MYOCD: variants seen among roughly 807,000 people sequenced by gnomAD.
The protein encoded by MYOCD is myocardin.
In MYOCD, 32 loss-of-function variants were observed where a neutral mutation model predicts 96.1. That is an observed-to-expected ratio of 0.33 (90% CI 0.25 to 0.45). The LOEUF is 0.45. Among genes scored for constraint, MYOCD ranks in the 20% least tolerant of loss-of-function variants. The pLI, the probability that MYOCD is intolerant of heterozygous loss-of-function variation, is 1.00. For synonymous variants in MYOCD, 469 were observed against 469.0 expected, an observed-to-expected ratio of 1.00 and a Z score of 0.00; for missense variants, 1,133 against 1,200.6, an observed-to-expected ratio of 0.94 and a Z score of 0.83.
intron 1 of MYOCD, among the ~76,000 whole-genome samples, chr17:12,678,948 C>T (rs986532497): frequency 6.6e-6 from 1 of 152,036 alleles, no homozygotes; most frequent in African/African-American, 2.4e-5. Flanking sequence ...ATTTTTCTAC[C>T]AATTCTGTGA....
intron 1 of MYOCD, among the ~76,000 whole-genome samples, chr17:12,680,669 G>A (rs781433924): frequency 1.8e-4 from 27 of 152,188 alleles, no homozygotes; most frequent in African/African-American, 6.0e-4. Flanking sequence ...AAACAAGTGG[G>A]GAAAGCCTCA....
chr17:12,719,735 C>T (rs1165957454), intron 4 of MYOCD, among the ~76,000 whole-genome samples: 3 of 147,882 alleles, frequency 2.0e-5, no homozygotes, highest in Non-Finnish European at 3.0e-5. Context: ...GGCGTGGTGG[C>T]ACGTGCCTGT....
rs541403625 is a variant in MYOCD, at chr17:12,692,786, C to G, written c.56-12342C>G. On this transcript the variant is annotated intron_variant, in intron 1 of 13. Coordinates refer to ENST00000425538, the MANE Select transcript of MYOCD (RefSeq NM_001146312.3). ...GTGCCTCTGCTTTCTCTCCCAGGCACAGGTGAGTGAACTCTGCCAAGCTTC... is the reference window on the plus strand; with the variant it reads ...GTGCCTCTGCTTTCTCTCCCAGGCAGAGGTGAGTGAACTCTGCCAAGCTTC... Among the ~76,000 whole-genome samples, 14 of 152,320 alleles carry G rather than the reference C, an allele frequency of 9.2e-5. No individual in the cohort carries two copies. In the South Asian group the frequency reaches 2.3e-3, roughly 25 times the overall value.
At chr17:12,754,615 G>A (rs2150722214) in intron 10 of MYOCD, among the ~76,000 whole-genome samples, 1 of 152,294 alleles carries the variant, frequency 6.6e-6, no homozygotes, top group South Asian at 2.1e-4. Context: ...CATAGGAGAT[G>A]GCTTAGAAGA....
intron 4 of MYOCD, among the ~76,000 whole-genome samples, chr17:12,722,345 C>T (rs2031863287): frequency 6.6e-6 from 1 of 152,192 alleles, no homozygotes; most frequent in African/African-American, 2.4e-5. Context: ...AATTAAATAA[C>T]TGTTTCAATG....
chr17:12,736,588 G>T (rs535458836), intron 6 of MYOCD, among the ~76,000 whole-genome samples: 2 of 152,258 alleles, frequency 1.3e-5, no homozygotes, highest in South Asian at 4.1e-4. Context: ...TTAAGCATCT[G>T]CTCTGCCAAG....
At chr17:12,732,475 C>T (rs1489099019) in intron 5 of MYOCD, among the ~76,000 whole-genome samples, 1 of 152,216 alleles carries the variant, frequency 6.6e-6, no homozygotes, top group Non-Finnish European at 1.5e-5. Flanking sequence ...GCTGTCTCCT[C>T]TCTGTAACCA....
At chr17:12,736,901 A>G (rs1481634610) in intron 6 of MYOCD, among the ~76,000 whole-genome samples, 2 of 152,346 alleles carry the variant, frequency 1.3e-5, no homozygotes, top group East Asian at 3.9e-4. Context: ...CAAATCTACA[A>G]ACCCTTGAGC....
At chr17:12,692,608 A>G (rs901308222) in intron 1 of MYOCD, among the ~76,000 whole-genome samples, 12 of 152,192 alleles carry the variant, frequency 7.9e-5, no homozygotes, top group Non-Finnish European at 1.8e-4. Flanking sequence ...ACATCAAGAA[A>G]GGCCTGCCCA....
chr17:12,719,174 C>CAAAA lies in MYOCD; in HGVS notation c.253+1780_253+1783dup, dbSNP rs71144920. 9.4e-4 allele frequency among the ~76,000 whole-genome samples: 46 copies of CAAAA among 49,152 alleles called. 6 individuals carry two copies. The highest frequency in any genetic ancestry group is 4.8e-3 in the African/African-American group (40 of 8,288). The allele number at this position is 49,152 out of a possible 152,430, so 32.2% of individuals were successfully genotyped here. A position where few individuals can be genotyped will look rare whatever the true frequency, so the allele number is the denominator to read the frequency against. ...GGGGCCACAGAGGGAGACTCTGTCT[C>CAAAA]AAAAAAAAAAAAAAAAAAAAAAAAA... On this transcript the variant is annotated intron_variant, in intron 4 of 13. Coordinates refer to ENST00000425538, the MANE Select transcript of MYOCD (RefSeq NM_001146312.3).
chr17:12,717,546 A>T (rs1333084411), intron 4 of MYOCD, 125 bp downstream of exon 4: 3 of 747,346 alleles, frequency 4.0e-6, no homozygotes, highest in Non-Finnish European at 6.5e-6. Context: ...ACAAAGTGGT[A>T]GTTTCAAGTA....
Position 12,674,075 on chromosome 17 carries a change from G to A in MYOCD, c.55+7832G>A, listed in dbSNP as rs541482015. Among the ~76,000 whole-genome samples the A allele has an allele frequency of 6.6e-5, 10 of 152,210 alleles. No homozygotes were observed. The South Asian group carries it at 1.5e-3, about 22-fold the overall frequency. Reference sequence around the variant, plus strand: ...GAGTTACTGAACCTATTATCTGTGGGCACCTTTATCATCTCATTTAATCCT... The same window carrying A: ...GAGTTACTGAACCTATTATCTGTGGACACCTTTATCATCTCATTTAATCCT... On this transcript the variant is annotated intron_variant, in intron 1 of 13. Coordinates refer to ENST00000425538, the MANE Select transcript of MYOCD (RefSeq NM_001146312.3).
intron 1 of MYOCD, among the ~76,000 whole-genome samples, chr17:12,699,247 C>A (rs942865970): frequency 4.6e-5 from 7 of 152,140 alleles, no homozygotes; most frequent in African/African-American, 1.7e-4. Flanking sequence ...GCCTCAGCCT[C>A]CCCAGTACCT....
intron 1 of MYOCD, among the ~76,000 whole-genome samples, chr17:12,674,783 A>G (rs986238652): frequency 2.0e-5 from 3 of 152,238 alleles, no homozygotes; most frequent in South Asian, 4.1e-4. Flanking sequence ...ATATTTTATG[A>G]TATACCTTAA....
chr17:12,683,454 C>T (rs1315459925), intron 1 of MYOCD, among the ~76,000 whole-genome samples: 1 of 152,140 alleles, frequency 6.6e-6, no homozygotes, highest in Admixed American at 6.5e-5. Context: ...CGCTTTCTCT[C>T]GTGCGCGCGC....
At chr17:12,744,473 G>A (rs1698765270) in intron 8 of MYOCD, 37 bp downstream of exon 8, 1 of 1,566,834 alleles carries the variant, frequency 6.4e-7, no homozygotes, top group African/African-American at 1.4e-5. Flanking sequence ...GCTGTGGGCA[G>A]AGGTTGGGAA....
rs1037752385 is a variant in MYOCD, at chr17:12,730,003, C to T, written c.416-6158C>T. Among the ~76,000 whole-genome samples the T allele has an allele frequency of 9.2e-5, 14 of 152,074 alleles. No homozygotes were observed. The Middle Eastern group carries it at 0.01, about 111-fold the overall frequency. The stretch of plus-strand genomic sequence containing the variant: ...CTTTACAAAAAAATTTAAAATTAGC[C>T]AGGCATACTGGTGCATGCCTGTAGT... On this transcript the variant is annotated intron_variant, in intron 5 of 13. Coordinates refer to ENST00000425538, the MANE Select transcript of MYOCD (RefSeq NM_001146312.3).
rs748690077 is a variant in MYOCD, at chr17:12,763,161, C to A, written c.2478C>A (p.Leu826=). ...CTTCCCGAAGTCCAACTGCTGTCCT[C>A]ACCAAGCCCTCGGCTTCCTTTGAAC... ...PRSSRSPTAV[L]TKPSASFEQA... The change falls in exon 14 of 14, where the codon CTC becomes CTA. Residue 826 remains leucine, a synonymous_variant. Coordinates refer to ENST00000425538, the MANE Select transcript of MYOCD (RefSeq NM_001146312.3). 5 of 1,614,180 alleles carry A rather than the reference C, an allele frequency of 3.1e-6. No individual in the cohort carries two copies. The highest frequency in any genetic ancestry group is 1.1e-5 in the South Asian group (1 of 91,078).
rs11653596 is a variant in MYOCD at position 12,768,424 on chromosome 17, G to A, written c.*4780G>A. The A allele has an allele frequency of 1.3e-5, 2 of 152,202 alleles. No homozygotes were observed. Among genetic ancestry groups the A allele is most frequent in the Non-Finnish European group, 2.9e-5 (2 of 68,040 alleles). The allele number at this position is 152,202 out of a possible 1,614,324, so 9.4% of individuals were successfully genotyped here. Reference sequence around the variant, plus strand: ...AGTTCCCTTTTGATTCTGGGAATCAGCGATTTTCCCTGTGGATTAAGACAA... The same window carrying A: ...AGTTCCCTTTTGATTCTGGGAATCAACGATTTTCCCTGTGGATTAAGACAA... On this transcript the variant is annotated 3_prime_UTR_variant, in exon 14 of 14. Transcript: ENST00000425538.
Sources: gnomAD v4.1 joint callset for allele counts (sites outside exome capture counted in the v4.1 genomes callset) on GRCh38, gnomAD v4.1.1 for gene constraint, MANE v1.5 for transcripts, NCBI Gene and HGNC (gene_info 2026-07-23, HGNC 2026-07-21) for gene names.